UGT1A7: variants seen among roughly 807,000 people sequenced by gnomAD.
UGT1A7 encodes the protein UDP-glucuronosyltransferase 1A7.
Under a neutral mutation model 45.6 loss-of-function variants are expected in UGT1A7, and 33 were observed. The observed-to-expected ratio is 0.72, with a 90% confidence interval of 0.55 to 0.97. The LOEUF is 0.97. Ranked by LOEUF, UGT1A7 falls within the 50% of genes least tolerant of loss-of-function variation. The pLI, the probability that UGT1A7 is intolerant of heterozygous loss-of-function variation, is 0.00. For missense variants in UGT1A7, 684 were observed against 666.2 expected (o/e 1.03, Z -0.29); for synonymous variants, 274 against 250.6 (o/e 1.09, Z -0.88).
At chr2:233,690,595 A>G (rs2074998935) in intron 1 of UGT1A7, 1 of 1,289,676 alleles carries the variant, frequency 7.8e-7, no homozygotes, top group Non-Finnish European at 1.0e-6. Flanking sequence ...TGAGAAAAAA[A>G]AAAAATCGGC....
rs760907397 is a variant in UGT1A7 at position 233,761,080 on chromosome 2, C to G, written c.856-5954C>G. 1.2e-6 allele frequency: 2 copies of G among 1,614,034 alleles called. No individual in the cohort carries two copies. The highest frequency in any genetic ancestry group is 1.7e-6 in the Non-Finnish European group (2 of 1,180,026). On this transcript the variant is annotated intron_variant, in intron 1 of 4. Coordinates refer to ENST00000373426, the MANE Select transcript of UGT1A7 (RefSeq NM_019077.3). Reference sequence around the variant, plus strand: ...TAGAAGTGACTTTGTGAAGGATTACCCTAGGCCCATCATGCCCAATATGGT... The same window carrying G: ...TAGAAGTGACTTTGTGAAGGATTACGCTAGGCCCATCATGCCCAATATGGT...
At chr2:233,742,446 G>A (rs1691980531) in intron 1 of UGT1A7, among the ~76,000 whole-genome samples, 1 of 151,938 alleles carries the variant, frequency 6.6e-6, no homozygotes, top group South Asian at 2.1e-4. Flanking sequence ...GGTGGGCCAG[G>A]TGTTCCTTGC....
At chr2:233,755,448 G>A in intron 1 of UGT1A7, 1 of 310,232 alleles carries the variant, frequency 3.2e-6, no homozygotes, top group Non-Finnish European at 6.3e-6. Context: ...CAGTGCTCCT[G>A]GGACTGGCCC....
intron 1 of UGT1A7, among the ~76,000 whole-genome samples, chr2:233,687,245 A>G (rs991144087): frequency 6.6e-6 from 1 of 152,186 alleles, no homozygotes; most frequent in Non-Finnish European, 1.5e-5. Flanking sequence ...CCTCCACAAG[A>G]TTAATGATCT....
At chr2:233,771,851 A>G (rs982853189) in intron 4 of UGT1A7, among the ~76,000 whole-genome samples, 2 of 135,436 alleles carry the variant, frequency 1.5e-5, no homozygotes, top group Non-Finnish European at 3.0e-5. Context: ...CTTCTTTTTC[A>G]AGAGATCAAT....
intron 1 of UGT1A7, among the ~76,000 whole-genome samples, chr2:233,757,319 C>T (rs999230342): frequency 1.7e-4 from 25 of 147,060 alleles, no homozygotes; most frequent in Non-Finnish European, 3.3e-4. Flanking sequence ...GGGGCTGGGG[C>T]CCTGAAATGG....
chr2:233,730,068 G>T (rs1197768852), intron 1 of UGT1A7: 3 of 1,610,044 alleles, frequency 1.9e-6, no homozygotes, highest in African/African-American at 1.3e-5. Flanking sequence ...ATTTAAAATT[G>T]CTTCCATATT....
rs771993243 is a variant in UGT1A7 at position 233,755,018 on chromosome 2, C to G, written c.856-12016C>G. 2.3e-6 allele frequency: 3 copies of G among 1,302,150 alleles called. No homozygotes were observed. In the South Asian group the frequency reaches 3.5e-5, roughly 15 times the overall value. The allele number at this position is 1,302,150 out of a possible 1,614,324, so 80.7% of individuals were successfully genotyped here. ...AGCTGAAGACCTACTCGAAGGGGTCCTTGAAGGGCCTGCCGCCTGCGCAGC... is the reference window on the plus strand; with the variant it reads ...AGCTGAAGACCTACTCGAAGGGGTCGTTGAAGGGCCTGCCGCCTGCGCAGC... On this transcript the variant is annotated intron_variant, in intron 1 of 4. Transcript: ENST00000373426.
At chr2:233,739,434 A>C (rs369218024) in intron 1 of UGT1A7, among the ~76,000 whole-genome samples, 2 of 152,136 alleles carry the variant, frequency 1.3e-5, no homozygotes, top group African/African-American at 2.4e-5. Flanking sequence ...CGAGGGCTTT[A>C]CCCTGCAAAG....
At chr2:233,685,277 C>T (rs1304210883) in intron 1 of UGT1A7, among the ~76,000 whole-genome samples, 1 of 152,148 alleles carries the variant, frequency 6.6e-6, no homozygotes, top group African/African-American at 2.4e-5. Flanking sequence ...AAGTGATCCG[C>T]CCGCCTCCGC....
intron 1 of UGT1A7, among the ~76,000 whole-genome samples, chr2:233,748,613 G>A (rs1489441058): frequency 2.0e-5 from 3 of 151,820 alleles, no homozygotes; most frequent in African/African-American, 7.3e-5. Flanking sequence ...AGCAACGAAC[G>A]TGGGATATAT....
intron 1 of UGT1A7, among the ~76,000 whole-genome samples, chr2:233,684,787 A>G (rs558954274): frequency 8.5e-5 from 13 of 152,314 alleles, no homozygotes; most frequent in Non-Finnish European, 8.8e-5. Context: ...TTTGGCAAAG[A>G]GCCCTGGATA....
intron 1 of UGT1A7, chr2:233,690,950 T>C (rs2075022597): frequency 1.4e-5 from 14 of 1,011,308 alleles, no homozygotes; most frequent in Non-Finnish European, 1.7e-5. Context: ...TCATGTTCTG[T>C]AGGGACTTCT....
chr2:233,696,904 A>G (rs774009523), intron 1 of UGT1A7, among the ~76,000 whole-genome samples: 9 of 152,174 alleles, frequency 5.9e-5, no homozygotes, highest in African/African-American at 1.9e-4. Flanking sequence ...AATTCTGTCA[A>G]TGTATTCATA....
intron 4 of UGT1A7, among the ~76,000 whole-genome samples, 154 bp from the exon 5 acceptor site, chr2:233,772,106 CTG>C (rs1172403577): frequency 6.6e-6 from 1 of 152,016 alleles, no homozygotes; most frequent in African/African-American, 2.4e-5. Context: ...GGGCAAGACT[CTG>C]TATCTAAAAA....
intron 1 of UGT1A7, chr2:233,712,937 A>C: frequency 6.2e-6 from 10 of 1,612,352 alleles, no homozygotes; most frequent in East Asian, 4.5e-5. Context: ...GAAGGAAACA[A>C]TTCTAGGAGG....
In UGT1A7 at chr2:233,682,220, GA is replaced by G. The variant is rs1559339444; in HGVS notation, c.284del (p.Asp95ValfsTer15). 1.2e-6 allele frequency: 2 copies of G among 1,614,202 alleles called. No individual in the cohort carries two copies. Among genetic ancestry groups the G allele is most frequent in the South Asian group, 2.2e-5 (2 of 91,086 alleles). On this transcript the variant is annotated frameshift_variant, in exon 1 of 5. Transcript: ENST00000373426. LOFTEE classifies it high-confidence loss of function. ...DQDREFMVFADARWTAPLRSA... is the reference protein window; with the variant it reads ...DQDREFMVFAXARWTAPLRSA... ...GGACCGGGAGTTCATGGTTTTTGCC[GA>G]TGCTCGCTGGACGGCACCATTGCGA... is the stretch of plus-strand genomic sequence containing the variant.
chr2:233,743,207 A>C, intron 1 of UGT1A7: 1 of 394,578 alleles, frequency 2.5e-6, no homozygotes, highest in Non-Finnish European at 5.0e-6. Flanking sequence ...GTCAATGCGG[A>C]GTAACTGCTC....
At chr2:233,724,307 C>CCCGGACGGGGCGGCTGG (rs2077215431) in intron 1 of UGT1A7, among the ~76,000 whole-genome samples, 2 of 146,974 alleles carry the variant, frequency 1.4e-5, no homozygotes, top group African/African-American at 5.0e-5. Context: ...CCACCTCCCT[C>CCCGGACGGGGCGGCTGG]CCGGACGGGG....
Sources: gnomAD v4.1 joint callset for allele counts (sites outside exome capture counted in the v4.1 genomes callset) on GRCh38, gnomAD v4.1.1 for gene constraint, MANE v1.5 for transcripts, NCBI Gene and HGNC (gene_info 2026-07-23, HGNC 2026-07-21) for gene names.